The following COL22A1 variants were observed in gnomAD, a reference collection of about 807,000 sequenced individuals.
COL22A1 encodes collagen type XXII alpha 1 chain.
A neutral mutation model predicts 248.9 loss-of-function variants in COL22A1; 221 were observed. The ratio of observed to expected loss-of-function variants is 0.89; its 90% CI spans 0.80 to 0.99. The LOEUF is 0.99. Among genes scored for constraint, COL22A1 ranks in the 50% least tolerant of loss-of-function variants. COL22A1 has a pLI of 0.00. For missense variants in COL22A1, 2,240 were observed against 2,179.0 expected, an observed-to-expected ratio of 1.03 and a Z score of -0.56; for synonymous variants, 891 against 793.4, an observed-to-expected ratio of 1.12 and a Z score of -2.07.
intron 12 of COL22A1, among the ~76,000 whole-genome samples, chr8:138,781,190 T>C (rs1474190334): frequency 6.6e-6 from 1 of 152,134 alleles, no homozygotes; most frequent in Admixed American, 6.5e-5. Context: ...TACATCAGGG[T>C]CCATGTCATA....
chr8:138,685,797 C>A (rs1321966257), intron 37 of COL22A1, among the ~76,000 whole-genome samples: 1 of 152,162 alleles, frequency 6.6e-6, no homozygotes, highest in African/African-American at 2.4e-5. Flanking sequence ...GCCTCCAAAA[C>A]TGGGAGAAAG....
intron 16 of COL22A1, among the ~76,000 whole-genome samples, chr8:138,774,230 C>T (rs1428773177): frequency 2.0e-5 from 3 of 152,000 alleles, no homozygotes; most frequent in East Asian, 1.9e-4. Context: ...CTTTGGGGAA[C>T]GAGGCCAGTC....
chr8:138,691,168 A>T (rs948579567), intron 35 of COL22A1, among the ~76,000 whole-genome samples: 1 of 152,188 alleles, frequency 6.6e-6, no homozygotes, highest in Non-Finnish European at 1.5e-5. Flanking sequence ...GTGGGCAGAG[A>T]AGGGCTGGGA....
chr8:138,859,741 G>A (rs759998970), intron 3 of COL22A1, among the ~76,000 whole-genome samples: 10 of 152,162 alleles, frequency 6.6e-5, no homozygotes, highest in African/African-American at 1.2e-4. Flanking sequence ...GGTCACCTCT[G>A]AGGATCTGCA....
At chr8:138,694,210 C>G (rs1158668777) in intron 34 of COL22A1, among the ~76,000 whole-genome samples, 2 of 152,224 alleles carry the variant, frequency 1.3e-5, no homozygotes, top group Non-Finnish European at 2.9e-5. Flanking sequence ...CCCTTGCTCT[C>G]CAGATCCCGC....
chr8:138,790,906 G>A (rs115873788), intron 12 of COL22A1, among the ~76,000 whole-genome samples: 596 of 152,062 alleles, frequency 3.9e-3, no homozygotes, highest in Non-Finnish European at 5.6e-3. Context: ...TCCAAAGCTC[G>A]CACCCCCATT....
At chr8:138,813,358 A>G (rs1480431289) in intron 7 of COL22A1, among the ~76,000 whole-genome samples, 2 of 152,166 alleles carry the variant, frequency 1.3e-5, no homozygotes, top group Non-Finnish European at 2.9e-5. Context: ...ATGGTAGTGA[A>G]TAAGTGTCAC....
At chr8:138,663,012 T>TCTCACACACACA (rs1554737802) in intron 42 of COL22A1, among the ~76,000 whole-genome samples, 1 of 140,772 alleles carries the variant, frequency 7.1e-6, no homozygotes, top group African/African-American at 2.6e-5. Context: ...CAGGACTCTG[T>TCTCACACACACA]CACTCACACA....
chr8:138,731,835 C>T (rs2131217879), intron 23 of COL22A1, among the ~76,000 whole-genome samples: 1 of 152,262 alleles, frequency 6.6e-6, no homozygotes, highest in East Asian at 1.9e-4. Context: ...TCAGCATCTT[C>T]CATGGCCTTG....
chr8:138,630,890 T>A, intron 49 of COL22A1, 142 bp from the exon 50 acceptor site: 1 of 767,624 alleles, frequency 1.3e-6, no homozygotes, highest in Non-Finnish European at 2.3e-6. Context: ...TTCCCAATAT[T>A]GTAGGTGGGC....
chr8:138,724,800 G>T, intron 24 of COL22A1, 132 bp from the exon 25 acceptor site: 2 of 785,560 alleles, frequency 2.5e-6, no homozygotes, highest in Non-Finnish European at 4.3e-6. Flanking sequence ...ACTGTCCTTG[G>T]TCATCCGCTG....
Position 138,742,258 on chromosome 8 carries a change from G to A in COL22A1, c.2086-4681C>T, listed in dbSNP as rs550537241. Reference sequence around the variant, plus strand: ...TGGTGATGATGGTGGTGATGGTGACGATAGTAGTGATGGTGATGGAGTTGA... The same window carrying A: ...TGGTGATGATGGTGGTGATGGTGACAATAGTAGTGATGGTGATGGAGTTGA... On this transcript the variant is annotated intron_variant, in intron 22 of 64. Transcript: ENST00000303045. 1.7e-4 allele frequency among the ~76,000 whole-genome samples: 24 copies of A among 144,208 alleles called. 1 individual carries two copies. Among genetic ancestry groups the A allele is most frequent in the African/African-American group, 3.8e-4 (14 of 36,960 alleles). The allele number at this position is 144,208 out of a possible 152,430, so 94.6% of individuals were successfully genotyped here.
At chr8:138,878,368 ACT>A in intron 2 of COL22A1, 52 bp from the exon 3 acceptor site, 1 of 1,417,414 alleles carries the variant, frequency 7.1e-7, no homozygotes, top group Non-Finnish European at 9.5e-7. Flanking sequence ...TGGAAAGGAC[ACT>A]GTCCTGGGGT....
chr8:138,641,474 C>T (rs1821699197), intron 47 of COL22A1, among the ~76,000 whole-genome samples: 1 of 152,202 alleles, frequency 6.6e-6, no homozygotes, highest in African/African-American at 2.4e-5. Flanking sequence ...TACATGCTCC[C>T]AGGGTCATTG....
chr8:138,718,410 A>T (rs1235200891), intron 27 of COL22A1, among the ~76,000 whole-genome samples: 4 of 149,590 alleles, frequency 2.7e-5, no homozygotes, highest in Non-Finnish European at 5.9e-5. Flanking sequence ...AGTTTGGTTT[A>T]AAAAAAAAAT....
intron 3 of COL22A1, among the ~76,000 whole-genome samples, chr8:138,860,136 G>T (rs1268272529): frequency 6.6e-6 from 1 of 152,090 alleles, no homozygotes; most frequent in Non-Finnish European, 1.5e-5. Flanking sequence ...GTCCCTCTAG[G>T]TTTCTGCCAG....
At chr8:138,626,712 G>A (rs980329256) in intron 50 of COL22A1, among the ~76,000 whole-genome samples, 1 of 151,884 alleles carries the variant, frequency 6.6e-6, no homozygotes, top group African/African-American at 2.4e-5. Flanking sequence ...CATAGAGGAT[G>A]GTTTATTATT....
chr8:138,878,397 T>TCA, intron 2 of COL22A1, 81 bp from the exon 3 acceptor site: 2 of 1,190,394 alleles, frequency 1.7e-6, no homozygotes, highest in Non-Finnish European at 2.3e-6. Flanking sequence ...GTCACTGGGG[T>TCA]CACACACACC....
At chr8:138,828,310 G>A (rs1281055432) in intron 5 of COL22A1, among the ~76,000 whole-genome samples, 2 of 152,024 alleles carry the variant, frequency 1.3e-5, no homozygotes, top group African/African-American at 4.8e-5. Flanking sequence ...AATCTGAGCA[G>A]CCTCCCTGGC....
Sources: allele counts gnomAD v4.1 joint callset (sites outside exome capture counted in the v4.1 genomes callset), GRCh38; gene constraint gnomAD v4.1.1; transcripts MANE v1.5; gene names NCBI Gene and HGNC (gene_info 2026-07-23, HGNC 2026-07-21).